The following SPTBN5 variants were observed in gnomAD, a reference collection of about 807,000 sequenced individuals.
SPTBN5 encodes spectrin beta chain, non-erythrocytic 5.
A neutral mutation model predicts 477.6 loss-of-function variants in SPTBN5; 513 were observed. The ratio of observed to expected loss-of-function variants is 1.07; its 90% CI spans 1.00 to 1.16. The LOEUF is 1.16. Ranked by LOEUF, SPTBN5 falls within the 50% of genes most tolerant of loss-of-function variation. The pLI, the probability that SPTBN5 is intolerant of heterozygous loss-of-function variation, is 0.00. For missense variants in SPTBN5, 5,062 were observed against 4,731.8 expected (o/e 1.07, Z -2.05); for synonymous variants, 2,169 against 2,011.7 (o/e 1.08, Z -2.09).
intron 4 of SPTBN5, among the ~76,000 whole-genome samples, chr15:41,888,465 C>T (rs1261815338): frequency 2.6e-5 from 4 of 152,166 alleles, no homozygotes; most frequent in East Asian, 3.9e-4. Flanking sequence ...AACTGGGTCC[C>T]GTCACTGCAG....
Position 41,886,306 on chromosome 15 carries a change from C to T in SPTBN5, c.949G>A (p.Asp317Asn). 1 of 1,613,046 alleles carries T rather than the reference C, an allele frequency of 6.2e-7. No individual in the cohort carries two copies. Among genetic ancestry groups the T allele is most frequent in the Non-Finnish European group, 8.5e-7 (1 of 1,179,724 alleles). ...TTCTCTGCAATCCAGCGTAGAAGGT[C>T]AGCCACCAGCTGCTCGTACTGGGTC... The part of the protein sequence containing the change: ...LQTQYEQLVA[D>N]LLRWIAEKQM... The change falls in exon 7 of 68, where the codon GAC becomes AAC. Residue 317 changes from aspartate to asparagine, a missense_variant. Asp to Asn is a conservative substitution (Grantham distance 23). Coordinates refer to ENST00000320955, the MANE Select transcript of SPTBN5 (RefSeq NM_016642.4).
rs764776900 is a variant in SPTBN5, at chr15:41,876,665, G to A, written c.3852-18C>T. ...CTCTGACCCTGGAGGGCGGGGGGGG[G>A]TTGGAGGAGGGCATGGGAGAGGACT... is the stretch of plus-strand genomic sequence containing the variant. On this transcript the variant is annotated intron_variant, in intron 19 of 67. Transcript: ENST00000320955. 5 of 1,292,948 alleles carry A rather than the reference G, an allele frequency of 3.9e-6. No individual in the cohort carries two copies. Among genetic ancestry groups the A allele is most frequent in the South Asian group, 1.2e-5 (1 of 82,100 alleles). The allele number at this position is 1,292,948 out of a possible 1,614,324, so 80.1% of individuals were successfully genotyped here.
chr15:41,882,891 G>A, intron 9 of SPTBN5, 105 bp downstream of exon 9: 1 of 1,362,346 alleles, frequency 7.3e-7, no homozygotes, highest in Non-Finnish European at 1.0e-6. Context: ...GTGAGGGTCA[G>A]TGTGGAGAAA....
chr15:41,872,414 G>A lies in SPTBN5; in HGVS notation c.5053C>T (p.Leu1685Phe). The A allele has an allele frequency of 1.3e-6, 2 of 1,591,590 alleles. No individual in the cohort carries two copies. Among genetic ancestry groups the A allele is most frequent in the African/African-American group, 2.7e-5 (2 of 74,588 alleles). ...LAIYWSSMEE[L>F]DQTAQTLTGP... The stretch of plus-strand genomic sequence containing the variant: ...GTGAGGGTTTGGGCCGTCTGGTCAA[G>A]CTCCTCCATGGAGCTCCAGTAAATG... The change falls in exon 27 of 68, where the codon CTT (leucine) becomes TTT (phenylalanine). Residue 1685 changes from leucine (L) to phenylalanine (F), a missense_variant. Coordinates refer to ENST00000320955, the MANE Select transcript of SPTBN5 (RefSeq NM_016642.4).
chr15:41,886,459 T>A, intron 6 of SPTBN5, 93 bp from the exon 7 acceptor site: 8 of 1,381,500 alleles, frequency 5.8e-6, no homozygotes, highest in Non-Finnish European at 7.7e-6. Context: ...AGGTGGGCTG[T>A]AGCTACTTCT....
At chr15:41,863,186 G>T (rs2066177200) in intron 41 of SPTBN5, among the ~76,000 whole-genome samples, 2 of 152,248 alleles carry the variant, frequency 1.3e-5, no homozygotes, top group Non-Finnish European at 2.9e-5. Context: ...AGGAAATAGA[G>T]CAAGGATGGA....
In SPTBN5 at chr15:41,867,417, C is replaced by A. The variant is rs979926346; in HGVS notation, c.6312+121G>T. 27 of 1,006,634 alleles carry A rather than the reference C, an allele frequency of 2.7e-5. No individual in the cohort carries two copies. In the African/African-American group the frequency reaches 3.8e-4, roughly 14 times the overall value. The allele number at this position is 1,006,634 out of a possible 1,614,324, so 62.4% of individuals were successfully genotyped here. On this transcript the variant is annotated intron_variant, in intron 35 of 67. Coordinates refer to ENST00000320955, the MANE Select transcript of SPTBN5 (RefSeq NM_016642.4). ...TTGCTCAGTCAACCCCAACCAGGAC[C>A]CCAGCCTTGCAGGCTCATCAGCACT... is the stretch of plus-strand genomic sequence containing the variant.
At chr15:41,870,110 T>C in intron 31 of SPTBN5, 90 bp from the exon 32 acceptor site, 2 of 1,441,712 alleles carry the variant, frequency 1.4e-6, no homozygotes, top group Non-Finnish European at 1.8e-6. Flanking sequence ...TCTGGCCCCC[T>C]TGGGCCACGT....
intron 7 of SPTBN5, among the ~76,000 whole-genome samples, chr15:41,884,427 T>C (rs1401857029): frequency 1.3e-5 from 2 of 152,180 alleles, no homozygotes; most frequent in Non-Finnish European, 2.9e-5. Flanking sequence ...GCCTAACATC[T>C]TGATAACTCA....
rs771517108 is a variant in SPTBN5 at position 41,886,167 on chromosome 15, C to A, written c.1088G>T (p.Arg363Leu). Residue 363 changes from arginine (R) to leucine (L), a missense_variant, in exon 7 of 68, where the codon CGA becomes CTA. Transcript: ENST00000320955. ...GAAGAGCAGGGCCTCTGCGGCCCCTCGCTGCTGTAGCCGGGGTGGCTTCTC... is the reference window on the plus strand; with the variant it reads ...GAAGAGCAGGGCCTCTGCGGCCCCTAGCTGCTGTAGCCGGGGTGGCTTCTC... Reference protein sequence around the residue: ...TQEKPPRLQQRGAAEALLFRL... With the variant: ...TQEKPPRLQQLGAAEALLFRL... The A allele has an allele frequency of 1.2e-6, 2 of 1,612,546 alleles. No individual in the cohort carries two copies. The highest frequency in any genetic ancestry group is 2.7e-5 in the African/African-American group (2 of 75,052).
intron 3 of SPTBN5, among the ~76,000 whole-genome samples, chr15:41,891,224 C>T (rs1022746332): frequency 2.0e-5 from 3 of 152,222 alleles, no homozygotes; most frequent in African/African-American, 4.8e-5. Flanking sequence ...GGCAATCGAT[C>T]AGTAAGTACT....
rs1266288631 is a variant in SPTBN5 at position 41,848,697 on chromosome 15, C to G, written c.11013-69G>C. 10 of 1,571,806 alleles carry G rather than the reference C, an allele frequency of 6.4e-6. No homozygotes were observed. The African/African-American group carries it at 9.5e-5, about 15-fold the overall frequency. On this transcript the variant is annotated intron_variant, in intron 67 of 67. Coordinates refer to ENST00000320955, the MANE Select transcript of SPTBN5 (RefSeq NM_016642.4). ...AGAATCTTCTCCAAACAAACACACACTGGTGCCCCTGCCCTCCCCTGGACC... is the reference window on the plus strand; with the variant it reads ...AGAATCTTCTCCAAACAAACACACAGTGGTGCCCCTGCCCTCCCCTGGACC...
At chr15:41,855,986 A>G (rs1194252030) in intron 53 of SPTBN5, among the ~76,000 whole-genome samples, 1 of 152,258 alleles carries the variant, frequency 6.6e-6, no homozygotes, top group Non-Finnish European at 1.5e-5. Flanking sequence ...TTCTTGGTTC[A>G]TAGGCATAGA....
intron 52 of SPTBN5, 57 bp from the exon 53 acceptor site, chr15:41,856,655 A>G: frequency 6.8e-7 from 1 of 1,476,670 alleles, no homozygotes; most frequent in Non-Finnish European, 9.0e-7. Flanking sequence ...GGACTCCCAC[A>G]GTTGTGCTTG....
chr15:41,860,561 C>A, intron 47 of SPTBN5, 25 bp downstream of exon 47: 4 of 1,370,226 alleles, frequency 2.9e-6, no homozygotes, highest in Non-Finnish European at 2.8e-6. Context: ...GCCCACAGCA[C>A]CCCTCACCCC....
chr15:41,860,730 A>G lies in SPTBN5; in HGVS notation c.7844T>C (p.Leu2615Pro), dbSNP rs1595456407. ...CCACTCCAGCATCTTGTGCTTCCAC[A>G]GAAGGGGCTCCATGGGGGCCAAGGG... ...WDPLAPMEPLLWKHKMLEWDL... is the reference protein window; with the variant it reads ...WDPLAPMEPLPWKHKMLEWDL... The change falls in exon 47 of 68, where the codon CTG (leucine) becomes CCG (proline). Residue 2615 changes from leucine (L) to proline (P), a missense_variant. Physicochemically the swap from Leu to Pro is moderately conservative, Grantham distance 98. Coordinates refer to ENST00000320955, the MANE Select transcript of SPTBN5 (RefSeq NM_016642.4). 6.3e-7 allele frequency: 1 copy of G among 1,599,404 alleles called. No homozygotes were observed. The highest frequency in any genetic ancestry group is 2.3e-5 in the East Asian group (1 of 44,140).
chr15:41,854,433 C>G (rs1036227133), intron 56 of SPTBN5, among the ~76,000 whole-genome samples: 3 of 151,900 alleles, frequency 2.0e-5, no homozygotes, highest in African/African-American at 7.3e-5. Context: ...GAGAGGGCCT[C>G]GTGCATCTCA....
At position 41,883,335 on chromosome 15, in the gene SPTBN5, G is replaced by T; in HGVS notation, c.1659+13C>A. ...TGCTGTGTTTCCCAAGGGCCTGCTG[G>T]TCCAGTGCCCACCTGCAGCTCCTCC... is the stretch of plus-strand genomic sequence containing the variant. On this transcript the variant is annotated intron_variant, in intron 8 of 67. Transcript: ENST00000320955. 6.2e-7 allele frequency: 1 copy of T among 1,612,336 alleles called. No homozygotes were observed. The highest frequency in any genetic ancestry group is 8.5e-7 in the Non-Finnish European group (1 of 1,179,524).
intron 46 of SPTBN5, 130 bp downstream of exon 46, chr15:41,861,289 G>A (rs1409342087): frequency 5.2e-6 from 4 of 773,996 alleles, no homozygotes; most frequent in East Asian, 2.6e-5. Context: ...GACGGATGTG[G>A]CCCAGGGTGG....
Sources: gnomAD v4.1 joint callset for allele counts (sites outside exome capture counted in the v4.1 genomes callset) on GRCh38, gnomAD v4.1.1 for gene constraint, MANE v1.5 for transcripts, NCBI Gene and HGNC (gene_info 2026-07-23, HGNC 2026-07-21) for gene names.